Variants in ZFHX3 observed in about 807,000 individuals in gnomAD.
ZFHX3 encodes zinc finger homeobox protein 3.
Under a neutral mutation model 279.1 loss-of-function variants are expected in ZFHX3, and 42 were observed. The ratio of observed to expected loss-of-function variants is 0.15; its 90% CI spans 0.12 to 0.19. ZFHX3 has a LOEUF of 0.19. Ranked by LOEUF, ZFHX3 falls within the 10% of genes least tolerant of loss-of-function variation. ZFHX3 has a pLI of 1.00. For missense variants in ZFHX3, 4,981 were observed against 4,754.0 expected, an observed-to-expected ratio of 1.05 and a Z score of -1.40; for synonymous variants, 2,293 against 1,957.8, an observed-to-expected ratio of 1.17 and a Z score of -4.52.
intron 1 of ZFHX3, among the ~76,000 whole-genome samples, chr16:73,727,234 C>T (rs991988285): frequency 4.7e-4 from 72 of 152,290 alleles, no homozygotes; most frequent in African/African-American, 1.5e-3. Flanking sequence ...AGCTGCACAA[C>T]TGGGGCCCCC....
chr16:73,591,149 G>A (rs924294201), intron 2 of ZFHX3, among the ~76,000 whole-genome samples: 2 of 151,772 alleles, frequency 1.3e-5, no homozygotes, highest in Admixed American at 6.6e-5. Flanking sequence ...TTAGGAGTTC[G>A]AGATCAGCCT....
intron 3 of ZFHX3, among the ~76,000 whole-genome samples, chr16:73,392,738 C>A (rs1175611140): frequency 6.6e-6 from 1 of 152,164 alleles, no homozygotes; most frequent in Non-Finnish European, 1.5e-5. Context: ...AGGATTAAGA[C>A]CAGATTTAGC....
intron 1 of ZFHX3, among the ~76,000 whole-genome samples, chr16:73,849,894 G>A (rs910074316): frequency 5.4e-4 from 82 of 152,214 alleles, no homozygotes; most frequent in African/African-American, 1.8e-3. Context: ...CACCATGCCC[G>A]GCTAATTTTT....
chr16:73,790,612 G>C (rs970150746), intron 1 of ZFHX3, among the ~76,000 whole-genome samples: 11 of 152,208 alleles, frequency 7.2e-5, no homozygotes, highest in African/African-American at 2.4e-4. Context: ...GGTGCTTTCT[G>C]TGGCATCACT....
intron 1 of ZFHX3, among the ~76,000 whole-genome samples, chr16:73,024,474 C>T (rs1287103112): frequency 6.6e-6 from 1 of 152,204 alleles, no homozygotes; most frequent in Non-Finnish European, 1.5e-5. Context: ...CTACCCAAGC[C>T]CAATTCTTCC....
At chr16:72,950,405 C>A in intron 3 of ZFHX3, 64 bp downstream of exon 3, 1 of 1,572,948 alleles carries the variant, frequency 6.4e-7, no homozygotes. Flanking sequence ...TGCTCCCTAA[C>A]TCCCCGGTGC....
At chr16:73,259,933 C>A (rs1567433089) in intron 4 of ZFHX3, among the ~76,000 whole-genome samples, 1 of 152,170 alleles carries the variant, frequency 6.6e-6, no homozygotes, top group Non-Finnish European at 1.5e-5. Flanking sequence ...ATTTGTATAT[C>A]TTATCCAAAT....
intron 5 of ZFHX3, among the ~76,000 whole-genome samples, chr16:73,180,004 C>T (rs1345587935): frequency 5.9e-5 from 9 of 152,180 alleles, no homozygotes. Flanking sequence ...AGCTCCACTG[C>T]TTGAATTACC....
At chr16:73,219,194 T>C in intron 5 of ZFHX3, among the ~76,000 whole-genome samples, 1 of 152,232 alleles carries the variant, frequency 6.6e-6, no homozygotes, top group Non-Finnish European at 1.5e-5. Context: ...CATTCTTCTG[T>C]CAATGGACAT....
intron 9 of ZFHX3, among the ~76,000 whole-genome samples, chr16:72,792,564 G>A (rs2035748215): frequency 6.6e-6 from 1 of 152,024 alleles, no homozygotes; most frequent in Admixed American, 6.6e-5. Context: ...CGATTCTCCT[G>A]CCTCAGCCTC....
At chr16:73,641,944 C>T (rs886397618) in intron 2 of ZFHX3, among the ~76,000 whole-genome samples, 6 of 152,026 alleles carry the variant, frequency 3.9e-5, no homozygotes, top group Admixed American at 2.0e-4. Context: ...AGATAGGTGA[C>T]GCGAGCTCTG....
intron 1 of ZFHX3, among the ~76,000 whole-genome samples, chr16:73,795,222 A>G (rs921973446): frequency 1.2e-4 from 18 of 152,230 alleles, no homozygotes; most frequent in Admixed American, 1.2e-3. Context: ...TACATATGCC[A>G]AGAAAACTCT....
At chr16:73,849,371 T>G (rs1354806799) in intron 1 of ZFHX3, among the ~76,000 whole-genome samples, 1 of 152,226 alleles carries the variant, frequency 6.6e-6, no homozygotes, top group Non-Finnish European at 1.5e-5. Context: ...TCTCCCCTGT[T>G]GTGATTTTTC....
At position 72,917,829 on chromosome 16, in the gene ZFHX3, T is replaced by G. The variant is rs78465186; in HGVS notation, c.3217-27867A>C. On this transcript the variant is annotated intron_variant, in intron 3 of 9. Coordinates refer to ENST00000268489, the MANE Select transcript of ZFHX3 (RefSeq NM_006885.4). ...ACATACAATAAACATGAAGCACTTTTGAACTCAAAATTAATAAAAATAATT... is the reference window on the plus strand; with the variant it reads ...ACATACAATAAACATGAAGCACTTTGGAACTCAAAATTAATAAAAATAATT... Among the ~76,000 whole-genome samples the G allele has an allele frequency of 9.4e-3, 1,435 of 152,312 alleles. 22 individuals are homozygous for G. Among genetic ancestry groups the G allele is most frequent in the African/African-American group, 0.033 (1,371 of 41,548 alleles).
At chr16:72,828,188 A>C (rs2036979019) in intron 5 of ZFHX3, among the ~76,000 whole-genome samples, 1 of 152,222 alleles carries the variant, frequency 6.6e-6, no homozygotes, top group Non-Finnish European at 1.5e-5. Flanking sequence ...CCCAACGAAT[A>C]CGGACTCCAG....
At chr16:73,006,192 T>G (rs1963696242) in intron 1 of ZFHX3, 1 of 152,236 alleles carries the variant, frequency 6.6e-6, no homozygotes, top group African/African-American at 2.4e-5. Context: ...GTGTTCCCAG[T>G]TTCAGAATGT....
chr16:73,139,955 C>T (rs1966842603), intron 6 of ZFHX3, among the ~76,000 whole-genome samples: 1 of 152,148 alleles, frequency 6.6e-6, no homozygotes, highest in South Asian at 2.1e-4. Flanking sequence ...TTCCACAAAC[C>T]CCTAGTGCTT....
intron 2 of ZFHX3, among the ~76,000 whole-genome samples, chr16:73,515,366 A>C (rs747721854): frequency 1.3e-5 from 2 of 152,244 alleles, no homozygotes; most frequent in South Asian, 2.1e-4. Context: ...CCTTAGTCAC[A>C]AAGATGGTGC....
At position 73,296,194 on chromosome 16, in the gene ZFHX3, G is replaced by C. The variant is rs528786602; in HGVS notation, c.-1194+22046C>G. Among the ~76,000 whole-genome samples, 3 of 152,226 alleles carry C rather than the reference G, an allele frequency of 2.0e-5. No homozygotes were observed. In the South Asian group the frequency reaches 6.2e-4, roughly 32 times the overall value. On this transcript the variant is annotated intron_variant, in intron 4 of 17. Transcript: ENST00000641206. Reference sequence around the variant, plus strand: ...TTCATATTAACAGCTAACTGCTTATGAAATTTCATTTAAGATACATAACTG... The same window carrying C: ...TTCATATTAACAGCTAACTGCTTATCAAATTTCATTTAAGATACATAACTG...
Sources: gnomAD v4.1 joint callset for allele counts (sites outside exome capture counted in the v4.1 genomes callset) on GRCh38, gnomAD v4.1.1 for gene constraint, MANE v1.5 for transcripts, NCBI Gene and HGNC (gene_info 2026-07-23, HGNC 2026-07-21) for gene names.